Variants in CPNE7 observed in about 807,000 individuals in gnomAD.
CPNE7 encodes the protein copine-7.
Under a neutral mutation model 66.5 loss-of-function variants are expected in CPNE7, and 78 were observed. The ratio of observed to expected loss-of-function variants is 1.17; its 90% CI spans 0.98 to 1.42. CPNE7 has a LOEUF of 1.42. Among genes scored for constraint, CPNE7 ranks in the 40% most tolerant of loss-of-function variants. The pLI is 0.00. For missense variants in CPNE7, 1,012 were observed against 776.6 expected (o/e 1.30, Z -3.60); for synonymous variants, 468 against 336.7 (o/e 1.39, Z -4.27).
In CPNE7 at chr16:89,588,711, C is replaced by T. The variant is rs145109453; in HGVS notation, c.964C>T (p.Arg322Trp). 19 of 1,613,432 alleles carry T rather than the reference C, an allele frequency of 1.2e-5. No homozygotes were observed. Among genetic ancestry groups the T allele is most frequent in the African/African-American group, 9.3e-5 (7 of 75,028 alleles). Residue 322 changes from arginine to tryptophan, a missense_variant, in exon 10 of 15, where the codon CGG becomes TGG. Coordinates refer to ENST00000319518, the MANE Select transcript of CPNE7 (RefSeq NM_153636.3). ...CTTCACCGCCTCCAATGGAGACCCG[C>T]GGAACAGCTGCTCCCTGCACTACAT... The part of the protein sequence containing the change: ...IDFTASNGDP[R>W]NSCSLHYINP...
intron 2 of CPNE7, among the ~76,000 whole-genome samples, chr16:89,582,083 G>C (rs2058966054): frequency 6.6e-6 from 1 of 152,248 alleles, no homozygotes; most frequent in South Asian, 2.1e-4. Context: ...GTGAGCACGT[G>C]TGCTGTGGAT....
Position 89,589,885 on chromosome 16 carries a change from C to G in CPNE7, c.1062-12C>G, listed in dbSNP as rs112131759. ...GTCAGGGCCTCCTGGTGACCTCCTG[C>G]CTCTCTTCCAGTGACAAGAGGTTTT... On this transcript the variant is annotated splice_polypyrimidine_tract_variant and intron_variant, in intron 10 of 14. Coordinates refer to ENST00000319518, the MANE Select transcript of CPNE7 (RefSeq NM_153636.3). 3.7e-6 allele frequency: 6 copies of G among 1,613,582 alleles called. No individual in the cohort carries two copies. Among genetic ancestry groups the G allele is most frequent in the African/African-American group, 2.7e-5 (2 of 74,946 alleles).
chr16:89,581,942 G>T (rs1429505858), intron 2 of CPNE7, among the ~76,000 whole-genome samples: 1 of 152,232 alleles, frequency 6.6e-6, no homozygotes, highest in Non-Finnish European at 1.5e-5. Flanking sequence ...ACTGTGTCTG[G>T]CCTGGACACC....
At position 89,575,858 on chromosome 16, in the gene CPNE7, C is replaced by T. The variant is rs1181258463; in HGVS notation, c.-40C>T. On this transcript the variant is annotated 5_prime_UTR_variant, in exon 1 of 15. Transcript: ENST00000319518. ...GGCGGCGCCGACTCGCGGGCAGCGG[C>T]CCCTCAGTGCGCCCAGCCGGGCCCC... 15 of 1,179,794 alleles carry T rather than the reference C, an allele frequency of 1.3e-5. No homozygotes were observed. The highest frequency in any genetic ancestry group is 1.5e-5 in the Non-Finnish European group (14 of 954,606). The allele number at this position is 1,179,794 out of a possible 1,614,324, so 73.1% of individuals were successfully genotyped here.
intron 13 of CPNE7, among the ~76,000 whole-genome samples, chr16:89,592,027 A>G (rs994590359): frequency 1.6e-5 from 2 of 122,902 alleles, no homozygotes; most frequent in Non-Finnish European, 3.3e-5. Context: ...TTTTTTTTTG[A>G]GACGGAGTCT....
intron 2 of CPNE7, among the ~76,000 whole-genome samples, chr16:89,582,290 C>G (rs1444326766): frequency 2.0e-5 from 3 of 152,262 alleles, no homozygotes; most frequent in East Asian, 3.8e-4. Flanking sequence ...TAAACAGTAA[C>G]TCAGCCCAGA....
chr16:89,585,000 T>C lies in CPNE7; in HGVS notation c.591+143T>C. On this transcript the variant is annotated intron_variant, in intron 5 of 14. Transcript: ENST00000319518. The surrounding 1 kb of genome is among the most constrained non-coding windows in gnomAD (Gnocchi z 6.0). ...TTGGTGGCTGTGGCTATGGCCAGAA[T>C]CCAACAGGGAGCCGCAGGCGCAGGG... is the stretch of plus-strand genomic sequence containing the variant. 1 of 752,502 alleles carries C rather than the reference T, an allele frequency of 1.3e-6. No individual in the cohort carries two copies. Among genetic ancestry groups the C allele is most frequent in the Admixed American group, 2.4e-5 (1 of 41,090 alleles). 46.6% of individuals were successfully genotyped at this position (752,502 alleles called of 1,614,324 possible). A position where few individuals can be genotyped will look rare whatever the true frequency, so the allele number is the denominator to read the frequency against.
At chr16:89,578,219 C>T (rs1163547818) in intron 2 of CPNE7, among the ~76,000 whole-genome samples, 1 of 151,862 alleles carries the variant, frequency 6.6e-6, no homozygotes, top group Non-Finnish European at 1.5e-5. Flanking sequence ...CACCCGCCAC[C>T]ACGCCCGGCT....
intron 9 of CPNE7, 38 bp from the exon 10 acceptor site, chr16:89,588,637 C>T (rs1415874276): frequency 1.9e-6 from 3 of 1,611,128 alleles, no homozygotes; most frequent in East Asian, 2.2e-5. Context: ...TCGGGGAGCC[C>T]CGGCCCAGCA....
intron 9 of CPNE7, 47 bp from the exon 10 acceptor site, chr16:89,588,628 C>A: frequency 6.2e-7 from 1 of 1,609,230 alleles, no homozygotes; most frequent in South Asian, 1.1e-5. Context: ...GGAGCGGGTT[C>A]GGGGAGCCCC....
In CPNE7 at chr16:89,585,462, A is replaced by C; in HGVS notation, c.592-2A>C. 6.2e-7 allele frequency: 1 copy of C among 1,609,416 alleles called. No individual in the cohort carries two copies. The highest frequency in any genetic ancestry group is 1.7e-4 in the Middle Eastern group (1 of 5,986). On this transcript the variant is annotated splice_acceptor_variant, in intron 5 of 14. Coordinates refer to ENST00000319518, the MANE Select transcript of CPNE7 (RefSeq NM_153636.3). LOFTEE classifies it high-confidence loss of function. ...CCTGAGCCAGCCCCTCCCGGCCCAC[A>C]GGTGGTGAAGAACAACCTGAACCCG...
At chr16:89,578,046 T>A (rs963929521) in intron 2 of CPNE7, among the ~76,000 whole-genome samples, 1 of 140,836 alleles carries the variant, frequency 7.1e-6, no homozygotes, top group Admixed American at 7.9e-5. Context: ...ACTTTTCCTC[T>A]TTTTTCTTTT....
At chr16:89,594,910 C>T (rs927407094) in intron 13 of CPNE7, among the ~76,000 whole-genome samples, 1 of 151,982 alleles carries the variant, frequency 6.6e-6, no homozygotes. Context: ...CCTCGGCCTC[C>T]CAAAGTGCTG....
chr16:89,583,578 CATG>C lies in CPNE7; in HGVS notation c.358-118_358-116del, dbSNP rs1168013678. 3.7e-6 allele frequency: 6 copies of C among 1,602,294 alleles called. No homozygotes were observed. The African/African-American group carries it at 5.4e-5, about 14-fold the overall frequency. On this transcript the variant is annotated intron_variant, in intron 2 of 14. Transcript: ENST00000319518. ...GGCGCGGGCCCTGGGCAGTGAAGCT[CATG>C]GTGGGGGATGGGGAGACAGGACAGG... is the stretch of plus-strand genomic sequence containing the variant.
chr16:89,585,700 A>G lies in CPNE7; in HGVS notation c.695A>G (p.Asp232Gly). ...ETRPLKCLVWDYDSRGKHDFI... is the reference protein window; with the variant it reads ...ETRPLKCLVWGYDSRGKHDFI... The stretch of plus-strand genomic sequence containing the variant: ...TGGGCTCCCCAGTGCCTGGTCTGGG[A>G]TTACGACTCTCGAGGAAAGCACGAC... The change falls in exon 7 of 15, where the codon GAT becomes GGT. Residue 232 changes from aspartate (D) to glycine (G), a missense_variant. Physicochemically the swap from Asp to Gly is moderately conservative, Grantham distance 94. Transcript: ENST00000319518. 1 of 1,551,784 alleles carries G rather than the reference A, an allele frequency of 6.4e-7. No homozygotes were observed. Among genetic ancestry groups the G allele is most frequent in the Non-Finnish European group, 8.7e-7 (1 of 1,147,692 alleles).
At chr16:89,595,268 G>A (rs1039619187) in intron 13 of CPNE7, 99 bp from the exon 14 acceptor site, 8 of 931,342 alleles carry the variant, frequency 8.6e-6, no homozygotes, top group Middle Eastern at 3.1e-4. Context: ...AAGCTCTGAC[G>A]CACGGAGGCA....
Position 89,586,763 on chromosome 16 carries a change from G to C in CPNE7, c.867+7G>C. 1 of 1,611,552 alleles carries C rather than the reference G, an allele frequency of 6.2e-7. No individual in the cohort carries two copies. The highest frequency in any genetic ancestry group is 8.5e-7 in the Non-Finnish European group (1 of 1,178,398). On this transcript the variant is annotated splice_region_variant and intron_variant, in intron 8 of 14. Coordinates refer to ENST00000319518, the MANE Select transcript of CPNE7 (RefSeq NM_153636.3). ...CGTCCTGGCTGACCTCAAGGTGAGA[G>C]GTGGCTGTGCCCGAAGCCTCCCCAC... is the stretch of plus-strand genomic sequence containing the variant.
rs1567950583 is a variant in CPNE7, at chr16:89,577,691, C to T, written c.327C>T (p.Phe109=). Residue 109 remains phenylalanine, a synonymous_variant, in exon 2 of 15, where the codon TTC becomes TTT. Coordinates refer to ENST00000319518, the MANE Select transcript of CPNE7 (RefSeq NM_153636.3). ...PSGFSCQEDD[F]LGGMECTLGQ... Reference sequence around the variant, plus strand: ...GCTTCAGCTGTCAGGAGGACGATTTCCTGGGGGGCATGGAGTGCACCCTGG... The same window carrying T: ...GCTTCAGCTGTCAGGAGGACGATTTTCTGGGGGGCATGGAGTGCACCCTGG... The T allele has an allele frequency of 1.2e-6, 2 of 1,600,552 alleles. No homozygotes were observed. The highest frequency in any genetic ancestry group is 1.3e-5 in the African/African-American group (1 of 74,750).
intron 1 of CPNE7, among the ~76,000 whole-genome samples, chr16:89,576,308 A>AG (rs1484670806): frequency 1.4e-5 from 2 of 143,930 alleles, no homozygotes; most frequent in East Asian, 2.1e-4. Flanking sequence ...CGGAGGAGAG[A>AG]GGGGGGTGCC....
Sources: gnomAD v4.1 joint callset for allele counts (sites outside exome capture counted in the v4.1 genomes callset) on GRCh38, gnomAD v4.1.1 for gene constraint, Gnocchi (gnomAD v3.1) non-coding constraint, MANE v1.5 for transcripts, NCBI Gene and HGNC (gene_info 2026-07-23, HGNC 2026-07-21) for gene names.